SPOCK3: variants seen among roughly 807,000 people sequenced by gnomAD.
SPOCK3 encodes testican-3.
Under a neutral mutation model 56.6 loss-of-function variants are expected in SPOCK3, and 30 were observed. The observed-to-expected ratio is 0.53, with a 90% CI of 0.40 to 0.72. The LOEUF (loss-of-function observed/expected upper bound fraction) is 0.72, where lower values mean the gene tolerates loss of function less well. Among genes scored for constraint, SPOCK3 ranks in the 30% least tolerant of loss-of-function variants. SPOCK3 has a pLI of 0.00. For missense variants in SPOCK3, 527 were observed against 530.0 expected, an observed-to-expected ratio of 0.99 and a Z score of 0.06; for synonymous variants, 196 against 183.3, an observed-to-expected ratio of 1.07 and a Z score of -0.56.
At chr4:166,892,624 AC>A (rs1734898369) in intron 5 of SPOCK3, among the ~76,000 whole-genome samples, 1 of 152,088 alleles carries the variant, frequency 6.6e-6, no homozygotes, top group Admixed American at 6.6e-5. Flanking sequence ...GTATATGTGA[AC>A]TAAAATATCA....
At chr4:167,100,767 C>T (rs146775299) in intron 2 of SPOCK3, among the ~76,000 whole-genome samples, 179 of 152,040 alleles carry the variant, frequency 1.2e-3, no homozygotes, top group African/African-American at 4.0e-3. Context: ...AAGCAAAATA[C>T]CATCAATCAA....
At chr4:166,769,426 G>C (rs1272828123) in intron 7 of SPOCK3, among the ~76,000 whole-genome samples, 1 of 152,194 alleles carries the variant, frequency 6.6e-6, no homozygotes, top group African/African-American at 2.4e-5. Flanking sequence ...TCAGCTGCAG[G>C]TATGTTGGAG....
At chr4:166,872,075 C>CACACACAT (rs1491097359) in intron 6 of SPOCK3, among the ~76,000 whole-genome samples, 20 of 104,768 alleles carry the variant, frequency 1.9e-4, no homozygotes, top group Admixed American at 5.7e-4. Flanking sequence ...CACACACACA[C>CACACACAT]ATATATATAT....
At chr4:167,192,611 T>C (rs566524425) in intron 2 of SPOCK3, among the ~76,000 whole-genome samples, 2 of 146,226 alleles carry the variant, frequency 1.4e-5, no homozygotes, top group South Asian at 4.2e-4. Context: ...GTGTCTCATT[T>C]ATTTCTGTTA....
chr4:167,171,829 G>A (rs1730524050), intron 2 of SPOCK3, among the ~76,000 whole-genome samples: 1 of 151,268 alleles, frequency 6.6e-6, no homozygotes, highest in African/African-American at 2.4e-5. Context: ...TCTTGTACAT[G>A]GGACGAGACA....
chr4:167,054,139 A>G (rs1354741610), intron 3 of SPOCK3, among the ~76,000 whole-genome samples: 1 of 152,154 alleles, frequency 6.6e-6, no homozygotes, highest in East Asian at 1.9e-4. Context: ...GGAGAAAATA[A>G]CACTTAAATA....
chr4:166,938,301 G>GAAAAA (rs1403485061), intron 4 of SPOCK3, among the ~76,000 whole-genome samples: 1 of 152,082 alleles, frequency 6.6e-6, no homozygotes, highest in African/African-American at 2.4e-5. Context: ...AAGAGAAATT[G>GAAAAA]ATGTAATTTT....
chr4:167,114,625 A>C (rs182631368), intron 2 of SPOCK3, among the ~76,000 whole-genome samples: 12 of 152,284 alleles, frequency 7.9e-5, no homozygotes, highest in Middle Eastern at 3.4e-3. Context: ...CAGGGAGATA[A>C]AGTGTGACAG....
chr4:166,751,004 A>C (rs1736307175), intron 8 of SPOCK3, among the ~76,000 whole-genome samples: 1 of 149,620 alleles, frequency 6.7e-6, no homozygotes, highest in African/African-American at 2.4e-5. Flanking sequence ...CCTGAATTGC[A>C]CTATCAATGG....
At chr4:166,919,648 T>C (rs1382005170) in intron 4 of SPOCK3, among the ~76,000 whole-genome samples, 1 of 152,178 alleles carries the variant, frequency 6.6e-6, no homozygotes, top group East Asian at 1.9e-4. Context: ...AACCCCTTCA[T>C]TTAAAAAGGT....
At chr4:166,829,783 T>G (rs1745845836) in intron 6 of SPOCK3, among the ~76,000 whole-genome samples, 1 of 152,110 alleles carries the variant, frequency 6.6e-6, no homozygotes, top group Non-Finnish European at 1.5e-5. Flanking sequence ...GCAAGATTTT[T>G]TCCCACTTAC....
chr4:167,149,172 A>G (rs1357322841), intron 2 of SPOCK3, among the ~76,000 whole-genome samples: 1 of 152,156 alleles, frequency 6.6e-6, no homozygotes, highest in Non-Finnish European at 1.5e-5. Flanking sequence ...ACAATAGTAT[A>G]TCATTCAGTT....
At chr4:167,190,575 CTTGA>C (rs1732390417) in intron 2 of SPOCK3, among the ~76,000 whole-genome samples, 1 of 145,568 alleles carries the variant, frequency 6.9e-6, no homozygotes, top group Non-Finnish European at 1.5e-5. Flanking sequence ...TTTTCATTTT[CTTGA>C]TTATTTGCTT....
intron 7 of SPOCK3, among the ~76,000 whole-genome samples, chr4:166,782,667 G>A (rs1740302880): frequency 6.6e-6 from 1 of 151,902 alleles, no homozygotes; most frequent in Non-Finnish European, 1.5e-5. Context: ...AAAATAGGTA[G>A]CATTTAAAAA....
At chr4:167,227,337 A>C (rs1736692065) in intron 2 of SPOCK3, among the ~76,000 whole-genome samples, 2 of 152,190 alleles carry the variant, frequency 1.3e-5, no homozygotes, top group African/African-American at 4.8e-5. Flanking sequence ...TATTTAAATT[A>C]CAAAACTGGG....
intron 6 of SPOCK3, among the ~76,000 whole-genome samples, chr4:166,815,552 G>A (rs988719237): frequency 1.3e-5 from 2 of 151,996 alleles, no homozygotes; most frequent in East Asian, 1.9e-4. Context: ...AGAACTTCAG[G>A]AGGCCAAGGT....
chr4:166,772,878 C>T (rs1335374736), intron 7 of SPOCK3, among the ~76,000 whole-genome samples: 2 of 152,080 alleles, frequency 1.3e-5, no homozygotes, highest in African/African-American at 4.8e-5. Flanking sequence ...GCAGCCTCAA[C>T]CTCCTGAGCT....
rs983747964 is a variant in SPOCK3, at chr4:166,949,607, C to A, written c.351-36864G>T. 2.6e-5 allele frequency among the ~76,000 whole-genome samples: 4 copies of A among 152,130 alleles called. No individual in the cohort carries two copies. In the East Asian group the frequency reaches 7.7e-4, roughly 29 times the overall value. ...TGTTGGAGTTTCCTAGAGGTCCACT[C>A]CAGACCCTGTTTGCCTGGGTATCCA... On this transcript the variant is annotated intron_variant, in intron 4 of 10. Coordinates refer to ENST00000357545, the MANE Select transcript of SPOCK3 (RefSeq NM_001040159.2).
chr4:167,057,163 A>G (rs925752605), intron 3 of SPOCK3, among the ~76,000 whole-genome samples: 2 of 152,240 alleles, frequency 1.3e-5, no homozygotes, highest in African/African-American at 2.4e-5. Flanking sequence ...TTTTCAACCC[A>G]GGATTTCATA....
Sources: allele counts gnomAD v4.1 joint callset (sites outside exome capture counted in the v4.1 genomes callset), GRCh38; gene constraint gnomAD v4.1.1; transcripts MANE v1.5; gene names NCBI Gene and HGNC (gene_info 2026-07-23, HGNC 2026-07-21).